The following GLIS1 variants were observed in gnomAD, a reference collection of about 807,000 sequenced individuals.
GLIS1 encodes zinc finger protein GLIS1.
Under a neutral mutation model 63.8 loss-of-function variants are expected in GLIS1, and 24 were observed. That is an observed-to-expected ratio of 0.38 (90% CI 0.27 to 0.53). The LOEUF is 0.53. Among genes scored for constraint, GLIS1 ranks in the 20% least tolerant of loss-of-function variants. The pLI is 0.85. For synonymous variants in GLIS1, 450 were observed against 482.5 expected (o/e 0.93, Z 0.88); for missense variants, 1,036 against 1,074.1 (o/e 0.96, Z 0.50).
intron 4 of GLIS1, among the ~76,000 whole-genome samples, chr1:53,546,167 A>G (rs1480223330): frequency 4.6e-5 from 7 of 152,246 alleles, no homozygotes; most frequent in Non-Finnish European, 7.3e-5. Context: ...TGTTTCACAC[A>G]TGATGGCCAG....
intron 2 of GLIS1, among the ~76,000 whole-genome samples, chr1:53,726,113 A>G (rs1366082682): frequency 6.6e-6 from 1 of 152,244 alleles, no homozygotes; most frequent in Non-Finnish European, 1.5e-5. Flanking sequence ...AACAGCAGTC[A>G]GACAATGAAG....
At chr1:53,536,045 C>A (rs1644578228) in intron 4 of GLIS1, among the ~76,000 whole-genome samples, 1 of 152,104 alleles carries the variant, frequency 6.6e-6, no homozygotes, top group African/African-American at 2.4e-5. Context: ...TGTCAGAGAC[C>A]AGATACCTCA....
At chr1:53,556,833 C>T (rs1644839243) in intron 4 of GLIS1, among the ~76,000 whole-genome samples, 1 of 135,120 alleles carries the variant, frequency 7.4e-6, no homozygotes, top group Admixed American at 7.6e-5. Context: ...TGCAGGTGTA[C>T]TGCAGCATGT....
rs749642957 is a variant in GLIS1 at position 53,506,622 on chromosome 1, G to A, written c.2385C>T (p.Thr795=). 5.6e-6 allele frequency: 9 copies of A among 1,613,392 alleles called. No individual in the cohort carries two copies. The East Asian group carries it at 2.0e-4, about 36-fold the overall frequency. ...LGHIPSIYTD[T] ...GCAGGCGCATGTGGGGGCTCCTTCA[G>A]GTGTCTGTGTAGATGGAGGGGATGT... Residue 795 remains threonine (T), a synonymous_variant, in exon 11 of 11, where the codon ACC becomes ACT. Transcript: ENST00000628545.
At position 53,639,992 on chromosome 1, in the gene GLIS1, A is replaced by G. The variant is rs1452506581; in HGVS notation, c.260-39714T>C. ...ACTTAACAAACACGAGCATGGTGAGATTTAAATATATATGAGGTGCTTCCA... is the reference window on the plus strand; with the variant it reads ...ACTTAACAAACACGAGCATGGTGAGGTTTAAATATATATGAGGTGCTTCCA... On this transcript the variant is annotated intron_variant, in intron 2 of 10. Transcript: ENST00000628545. The surrounding 1 kb of genome is among the most constrained non-coding windows in gnomAD (Gnocchi z 4.6). Among the ~76,000 whole-genome samples the G allele has an allele frequency of 2.0e-5, 3 of 152,242 alleles. No homozygotes were observed. Among genetic ancestry groups the G allele is most frequent in the African/African-American group, 7.2e-5 (3 of 41,460 alleles).
At chr1:53,657,324 C>T (rs759938556) in intron 2 of GLIS1, among the ~76,000 whole-genome samples, 2 of 152,178 alleles carry the variant, frequency 1.3e-5, no homozygotes, top group Non-Finnish European at 2.9e-5. Flanking sequence ...CTGTATATTC[C>T]ACCACCCAAG....
chr1:53,733,348 G>A (rs1443911636), intron 2 of GLIS1, among the ~76,000 whole-genome samples: 1 of 152,160 alleles, frequency 6.6e-6, no homozygotes, highest in Non-Finnish European at 1.5e-5. Flanking sequence ...AGCATATAAA[G>A]AAATTTACAT....
At chr1:53,733,618 C>T (rs574665176) in intron 2 of GLIS1, among the ~76,000 whole-genome samples, 8 of 152,278 alleles carry the variant, frequency 5.3e-5, no homozygotes, top group East Asian at 1.9e-4. Flanking sequence ...ATTATATTTC[C>T]GCTACATGTC....
Position 53,712,527 on chromosome 1 carries a change from A to G in GLIS1, c.259+25279T>C, listed in dbSNP as rs17109215. Among the ~76,000 whole-genome samples the G allele has an allele frequency of 0.015, 2,292 of 152,292 alleles. 137 individuals are homozygous for G. The East Asian group carries it at 0.23, about 15-fold the overall frequency. ...GTCTCCTGTGTGTACAACTGGTAATACCTGTGCAGCTCTGGTCACAACAAA... is the reference window on the plus strand; with the variant it reads ...GTCTCCTGTGTGTACAACTGGTAATGCCTGTGCAGCTCTGGTCACAACAAA... On this transcript the variant is annotated intron_variant, in intron 2 of 10. Transcript: ENST00000628545.
intron 2 of GLIS1, among the ~76,000 whole-genome samples, chr1:53,659,441 G>A (rs745904895): frequency 2.6e-4 from 39 of 152,200 alleles, no homozygotes; most frequent in Admixed American, 1.1e-3. Context: ...AGGCTGGAGG[G>A]TCTTTCAGTC....
chr1:53,702,110 C>G (rs774260819), intron 2 of GLIS1, among the ~76,000 whole-genome samples: 1 of 152,160 alleles, frequency 6.6e-6, no homozygotes, highest in South Asian at 2.1e-4. Context: ...TCCCGTGTCC[C>G]CCCTCCTGCA....
chr1:53,662,154 G>C lies in GLIS1; in HGVS notation c.260-61876C>G, dbSNP rs537258014. Among the ~76,000 whole-genome samples the C allele has an allele frequency of 3.3e-5, 5 of 152,324 alleles. No homozygotes were observed. In the East Asian group the frequency reaches 7.7e-4, roughly 23 times the overall value. On this transcript the variant is annotated intron_variant, in intron 2 of 10. Transcript: ENST00000628545. ...GGCCTCACAAGCTGGAAGACCCCAG[G>C]CAAGTTGGTGGCATTCTTGGGGCCT...
intron 8 of GLIS1, 34 bp downstream of exon 8, chr1:53,514,591 T>G (rs1644330393): frequency 6.3e-7 from 1 of 1,598,996 alleles, no homozygotes; most frequent in Non-Finnish European, 8.5e-7. Flanking sequence ...CCCCCCTTGT[T>G]GCCCCTGGAG....
chr1:53,543,682 T>C (rs1279641746), intron 4 of GLIS1, among the ~76,000 whole-genome samples: 3 of 151,904 alleles, frequency 2.0e-5, no homozygotes, highest in Non-Finnish European at 4.4e-5. Context: ...AGCGCACTGG[T>C]CTCTCTTAAA....
At chr1:53,734,422 T>C (rs900863171) in intron 2 of GLIS1, among the ~76,000 whole-genome samples, 1 of 152,196 alleles carries the variant, frequency 6.6e-6, no homozygotes, top group African/African-American at 2.4e-5. Flanking sequence ...AAGGCCTTCG[T>C]GTGAATGCCA....
At chr1:53,611,948 C>T (rs1427894761) in intron 2 of GLIS1, among the ~76,000 whole-genome samples, 2 of 152,184 alleles carry the variant, frequency 1.3e-5, no homozygotes, top group African/African-American at 4.8e-5. Context: ...ATCCTCCCAC[C>T]AGAGCCTCCC....
intron 5 of GLIS1, among the ~76,000 whole-genome samples, chr1:53,527,251 C>G (rs1644479875): frequency 6.6e-6 from 1 of 152,240 alleles, no homozygotes; most frequent in South Asian, 2.1e-4. Context: ...AGAGAATCAT[C>G]CCAGTGGGGA....
intron 4 of GLIS1, among the ~76,000 whole-genome samples, chr1:53,547,832 G>A (rs781619683): frequency 3.3e-5 from 5 of 152,194 alleles, no homozygotes; most frequent in Non-Finnish European, 5.9e-5. Flanking sequence ...TAGAAATATG[G>A]TTCATAAAGT....
At chr1:53,586,028 C>A (rs1347273134) in intron 4 of GLIS1, among the ~76,000 whole-genome samples, 1 of 152,170 alleles carries the variant, frequency 6.6e-6, no homozygotes, top group Non-Finnish European at 1.5e-5. Context: ...TCCCTCTTGT[C>A]CTTCCCCAGG....
Sources: gnomAD v4.1 joint callset for allele counts (sites outside exome capture counted in the v4.1 genomes callset) on GRCh38, gnomAD v4.1.1 for gene constraint, Gnocchi (gnomAD v3.1) non-coding constraint, MANE v1.5 for transcripts, NCBI Gene and HGNC (gene_info 2026-07-23, HGNC 2026-07-21) for gene names.